Variants in IFNL2 observed in about 807,000 individuals in gnomAD.
The protein encoded by IFNL2 is interferon lambda 2.
In IFNL2, 17 loss-of-function variants were observed where a neutral mutation model predicts 18.7. The observed-to-expected ratio is 0.91, with a 90% CI of 0.62 to 1.36. IFNL2 has a LOEUF of 1.36. IFNL2 is among the 40% of genes most tolerant of loss of function. IFNL2 has a pLI of 0.00. For synonymous variants in IFNL2, 96 were observed against 113.4 expected, an observed-to-expected ratio of 0.85 and a Z score of 0.98; for missense variants, 225 against 257.3, an observed-to-expected ratio of 0.87 and a Z score of 0.86.
chr19:39,269,238 G>A lies in IFNL2; in HGVS notation c.270+9G>A. 1.2e-6 allele frequency: 2 copies of A among 1,606,582 alleles called. No homozygotes were observed. Among genetic ancestry groups the A allele is most frequent in the Middle Eastern group, 1.7e-4 (1 of 6,052 alleles). ...ACCTGAGGCAGCTGCAGGTGAGAGG[G>A]GGAGTCAGGCCCACCCCTGCTCTCC... On this transcript the variant is annotated intron_variant, in intron 3 of 5. Coordinates refer to ENST00000331982, the MANE Select transcript of IFNL2 (RefSeq NM_172138.2).
At position 39,269,485 on chromosome 19, in the gene IFNL2, C is replaced by T. The variant is rs774318204; in HGVS notation, c.271-3C>T. 3.7e-6 allele frequency: 6 copies of T among 1,614,080 alleles called. No homozygotes were observed. In the Admixed American group the frequency reaches 8.3e-5, roughly 22 times the overall value. On this transcript the variant is annotated splice_region_variant and splice_polypyrimidine_tract_variant and intron_variant, in intron 3 of 5. Transcript: ENST00000331982. ...TCACCTGCTCTTTCTCACCTCTCCT[C>T]AGGTGAGGGAGCGCCCCATGGCTTT...
At position 39,270,027 on chromosome 19, in the gene IFNL2, C is replaced by A; in HGVS notation, c.*14C>A. On this transcript the variant is annotated 3_prime_UTR_variant, in exon 6 of 6. Transcript: ENST00000331982. ...CTGTGTGTCTGACCCTCCCACCAGT[C>A]ATGCAACCTGAGATTTTATTTATAA... 6.4e-7 allele frequency: 1 copy of A among 1,573,922 alleles called. No homozygotes were observed. Among genetic ancestry groups the A allele is most frequent in the Non-Finnish European group, 8.6e-7 (1 of 1,158,766 alleles).
chr19:39,269,670 T>C (rs1164607872), intron 4 of IFNL2, 33 bp downstream of exon 4: 1 of 1,611,698 alleles, frequency 6.2e-7, no homozygotes, highest in Non-Finnish European at 8.5e-7. Context: ...CCCAGGTCTG[T>C]GAGCTCTGAG....
rs746951049 is a variant in IFNL2 at position 39,269,554 on chromosome 19, G to A, written c.337G>A (p.Ala113Thr). 16 of 1,614,060 alleles carry A rather than the reference G, an allele frequency of 9.9e-6. No individual in the cohort carries two copies. The highest frequency in any genetic ancestry group is 2.7e-5 in the African/African-American group (2 of 74,914). The stretch of plus-strand genomic sequence containing the variant: ...GACGCTGAAGGTTCTGGAGGCCACC[G>A]CTGACACTGACCCAGCCCTGGTGGA... Reference protein sequence around the residue: ...ALTLKVLEATADTDPALVDVL... With the variant: ...ALTLKVLEATTDTDPALVDVL... Residue 113 changes from alanine (A) to threonine (T), a missense_variant, in exon 4 of 6, where the codon GCT becomes ACT. Transcript: ENST00000331982.
Position 39,269,754 on chromosome 19 carries a change from C to T in IFNL2, c.437C>T (p.Thr146Met), listed in dbSNP as rs749201620. ...TGCCCACAGATCCAGCCTCAGCCCACGGCAGGGCCCAGGACCCGGGGCCGC... is the reference window on the plus strand; with the variant it reads ...TGCCCACAGATCCAGCCTCAGCCCATGGCAGGGCCCAGGACCCGGGGCCGC... ...QFRACIQPQP[T>M]AGPRTRGRLH... Residue 146 changes from threonine to methionine, a missense_variant, in exon 5 of 6, where the codon ACG (threonine) becomes ATG (methionine). Thr to Met is a moderately conservative substitution (Grantham distance 81, BLOSUM62 -1). Transcript: ENST00000331982. The T allele has an allele frequency of 7.5e-6, 12 of 1,608,912 alleles. No homozygotes were observed. The highest frequency in any genetic ancestry group is 1.8e-4 in the Middle Eastern group (1 of 5,572).
Position 39,269,532 on chromosome 19 carries a change from G to A in IFNL2, c.315G>A (p.Thr105=), listed in dbSNP as rs780295844. 46 of 1,614,038 alleles carry A rather than the reference G, an allele frequency of 2.8e-5. 1 individual carries two copies. Among genetic ancestry groups the A allele is most frequent in the African/African-American group, 6.7e-5 (5 of 74,892 alleles). The change falls in exon 4 of 6, where the codon ACG becomes ACA. Residue 105 remains threonine (T), a synonymous_variant. Transcript: ENST00000331982. Reference sequence around the variant, plus strand: ...CTTTGGAGGCTGAGCTGGCCCTGACGCTGAAGGTTCTGGAGGCCACCGCTG... The same window carrying A: ...CTTTGGAGGCTGAGCTGGCCCTGACACTGAAGGTTCTGGAGGCCACCGCTG... ...PMALEAELAL[T]LKVLEATADT...
chr19:39,269,311 T>A, intron 3 of IFNL2, 82 bp downstream of exon 3: 5 of 1,508,440 alleles, frequency 3.3e-6, no homozygotes, highest in Non-Finnish European at 4.5e-6. Context: ...CGTCTCTTTC[T>A]CCCTTGTCTC....
intron 2 of IFNL2, 124 bp from the exon 3 acceptor site, chr19:39,269,028 G>T (rs972987698): frequency 2.2e-6 from 3 of 1,349,444 alleles, no homozygotes; most frequent in African/African-American, 2.9e-5. Flanking sequence ...TGTAGAAGAG[G>T]GTCCTCTACC....
In IFNL2 at chr19:39,268,599, C is replaced by T. The variant is rs563523725; in HGVS notation, c.10+21C>T. On this transcript the variant is annotated intron_variant, in intron 1 of 5. Transcript: ENST00000331982. Reference sequence around the variant, plus strand: ...ACTAGGTGAGTCCCACATCTCTGTCCGTGCTCAGCTCCTGCAGCCCCTGCC... The same window carrying T: ...ACTAGGTGAGTCCCACATCTCTGTCTGTGCTCAGCTCCTGCAGCCCCTGCC... 65 of 1,613,590 alleles carry T rather than the reference C, an allele frequency of 4.0e-5. No individual in the cohort carries two copies. In the East Asian group the frequency reaches 8.9e-4, roughly 22 times the overall value.
In IFNL2 at chr19:39,269,160, G is replaced by C; in HGVS notation, c.201G>C (p.Ser67=). The C allele has an allele frequency of 6.2e-7, 1 of 1,611,434 alleles. No individual in the cohort carries two copies. The highest frequency in any genetic ancestry group is 8.5e-7 in the Non-Finnish European group (1 of 1,179,000). The change falls in exon 3 of 6, where the codon TCG becomes TCC. Residue 67 remains serine (S), a synonymous_variant. Coordinates refer to ENST00000331982, the MANE Select transcript of IFNL2 (RefSeq NM_172138.2). ...GTGCCTTTGCTGTCTAGGAAGAGTC[G>C]CTTCTGCTGAAGGACTGCAGGTGCC... ...FKRAKDALEE[S]LLLKDCRCHS...
intron 3 of IFNL2, 93 bp from the exon 4 acceptor site, chr19:39,269,395 G>C: frequency 6.5e-7 from 1 of 1,540,216 alleles, no homozygotes; most frequent in South Asian, 1.2e-5. Context: ...CCTCTCCCCT[G>C]TGCCTGTCAC....
chr19:39,269,959 C>T lies in IFNL2; in HGVS notation c.549C>T (p.Phe183=), dbSNP rs1295309691. 7.5e-6 allele frequency: 12 copies of T among 1,604,158 alleles called. No individual in the cohort carries two copies. Among genetic ancestry groups the T allele is most frequent in the Non-Finnish European group, 7.7e-6 (9 of 1,175,210 alleles). ...AGGCCTCTGTCACCTTCAACCTCTT[C>T]CGCCTCCTCACGCGAGACCTGAATT... The part of the protein sequence containing the change: ...CLEASVTFNL[F]RLLTRDLNCV... The change falls in exon 6 of 6, where the codon TTC becomes TTT. Residue 183 remains phenylalanine, a synonymous_variant. Transcript: ENST00000331982.
At position 39,268,839 on chromosome 19, in the gene IFNL2, A is replaced by G; in HGVS notation, c.173A>G (p.Lys58Arg). The G allele has an allele frequency of 1.2e-6, 2 of 1,612,794 alleles. No homozygotes were observed. Among genetic ancestry groups the G allele is most frequent in the Non-Finnish European group, 1.7e-6 (2 of 1,179,198 alleles). ...TCTCCACAGGAGCTGCAGGCCTTTAAGAGGGCCAAAGATGCCTTAGTGAGT... is the reference window on the plus strand; with the variant it reads ...TCTCCACAGGAGCTGCAGGCCTTTAGGAGGGCCAAAGATGCCTTAGTGAGT... Reference protein sequence around the residue: ...SLSPQELQAFKRAKDALEESL... With the variant: ...SLSPQELQAFRRAKDALEESL... The change falls in exon 2 of 6, where the codon AAG (lysine) becomes AGG (arginine). Residue 58 changes from lysine (K) to arginine (R), a missense_variant. Lys to Arg is a conservative substitution (Grantham distance 26). Transcript: ENST00000331982.
intron 2 of IFNL2, 121 bp from the exon 3 acceptor site, chr19:39,269,031 C>A: frequency 7.4e-7 from 1 of 1,360,076 alleles, no homozygotes; most frequent in Non-Finnish European, 1.0e-6. Context: ...AGAAGAGGGT[C>A]CTCTACCATC....
Position 39,270,187 on chromosome 19 carries a change from C to T in IFNL2, c.*174C>T. ...TTGTTGAAATAAACAAAGGAAAAGA[C>T]ACTCATGACGTTGGACTGTGTGTCT... On this transcript the variant is annotated 3_prime_UTR_variant, in exon 6 of 6. Coordinates refer to ENST00000331982, the MANE Select transcript of IFNL2 (RefSeq NM_172138.2). 3.9e-6 allele frequency: 3 copies of T among 768,128 alleles called. No homozygotes were observed. Among genetic ancestry groups the T allele is most frequent in the Non-Finnish European group, 6.2e-6 (3 of 482,564 alleles). 47.6% of individuals were successfully genotyped at this position (768,128 alleles called of 1,614,324 possible). A position where few individuals can be genotyped will look rare whatever the true frequency, so the allele number is the denominator to read the frequency against.
chr19:39,269,708 G>A (rs776033219), intron 4 of IFNL2, 30 bp from the exon 5 acceptor site: 23 of 1,606,326 alleles, frequency 1.4e-5, no homozygotes, highest in Middle Eastern at 3.4e-4. Context: ...CCAAGGCCCC[G>A]GCTCACACAC....
At position 39,268,678 on chromosome 19, in the gene IFNL2, C is replaced by G. The variant is rs747890040; in HGVS notation, c.12C>G (p.Asp4Glu). ...GCTCCCTTTCTCTCTGTGACACAGA[C>G]ATGACTGGGGACTGCACGCCAGTGC... MKL[D>E]MTGDCTPVLV... Residue 4 changes from aspartate (D) to glutamate (E), a missense_variant and splice_region_variant, in exon 2 of 6, where the codon GAC becomes GAG. Asp to Glu is a conservative substitution (Grantham distance 45). Coordinates refer to ENST00000331982, the MANE Select transcript of IFNL2 (RefSeq NM_172138.2). The G allele has an allele frequency of 6.2e-7, 1 of 1,613,498 alleles. No homozygotes were observed. Among genetic ancestry groups the G allele is most frequent in the South Asian group, 1.1e-5 (1 of 91,078 alleles).
rs774809197 is a variant in IFNL2 at position 39,269,870 on chromosome 19, G to A, written c.505-45G>A. Reference sequence around the variant, plus strand: ...ACTGAGGTCTGGGGAGCCACTGGGAGCCCAGAACCCAGACAGCCCCTGACC... The same window carrying A: ...ACTGAGGTCTGGGGAGCCACTGGGAACCCAGAACCCAGACAGCCCCTGACC... On this transcript the variant is annotated intron_variant, in intron 5 of 5. Coordinates refer to ENST00000331982, the MANE Select transcript of IFNL2 (RefSeq NM_172138.2). 2.4e-5 allele frequency: 39 copies of A among 1,608,292 alleles called. 1 individual carries two copies. In the South Asian group the frequency reaches 4.1e-4, roughly 17 times the overall value.
chr19:39,268,801 G>C lies in IFNL2; in HGVS notation c.135G>C (p.Gln45His). ...ATGCAAGGGGCTGCCACATAGCCCA[G>C]TTCAAGTCCCTGTCTCCACAGGAGC... Reference protein sequence around the residue: ...LPDARGCHIAQFKSLSPQELQ... With the variant: ...LPDARGCHIAHFKSLSPQELQ... Residue 45 changes from glutamine (Q) to histidine (H), a missense_variant, in exon 2 of 6, where the codon CAG (glutamine) becomes CAC (histidine). Transcript: ENST00000331982. 2 of 1,613,798 alleles carry C rather than the reference G, an allele frequency of 1.2e-6. No homozygotes were observed. The highest frequency in any genetic ancestry group is 1.7e-6 in the Non-Finnish European group (2 of 1,179,858).
Sources: allele counts gnomAD v4.1 joint callset, GRCh38; gene constraint gnomAD v4.1.1; transcripts MANE v1.5; gene names NCBI Gene and HGNC (gene_info 2026-07-23, HGNC 2026-07-21).